Variants in ZFYVE9 observed in about 807,000 individuals in gnomAD.
ZFYVE9 encodes zinc finger FYVE domain-containing protein 9.
Under a neutral mutation model 126.7 loss-of-function variants are expected in ZFYVE9, and 43 were observed. The ratio of observed to expected loss-of-function variants is 0.34; its 90% confidence interval spans 0.27 to 0.44. ZFYVE9 has a LOEUF of 0.44. Among genes scored for constraint, ZFYVE9 ranks in the 20% least tolerant of loss-of-function variants. The pLI is 1.00. For missense variants in ZFYVE9, 1,476 were observed against 1,697.0 expected (o/e 0.87, Z 2.29); for synonymous variants, 521 against 597.4 (o/e 0.87, Z 1.87).
chr1:52,161,957 G>A (rs766225387), intron 1 of ZFYVE9, among the ~76,000 whole-genome samples: 2 of 151,118 alleles, frequency 1.3e-5, no homozygotes, highest in South Asian at 2.1e-4. Flanking sequence ...AAAAGTTTAC[G>A]GAGTATAACA....
At chr1:52,247,757 A>G (rs1341994424) in intron 4 of ZFYVE9, among the ~76,000 whole-genome samples, 2 of 152,066 alleles carry the variant, frequency 1.3e-5, no homozygotes, top group Non-Finnish European at 2.9e-5. Context: ...TTGGCCTCCT[A>G]AAGTGCTGGG....
intron 1 of ZFYVE9, among the ~76,000 whole-genome samples, chr1:52,199,151 C>T (rs142053738): frequency 4.3e-4 from 65 of 151,802 alleles, no homozygotes; most frequent in Non-Finnish European, 8.1e-4. Flanking sequence ...CTGCAAGCTC[C>T]GCCTCCCGGG....
intron 4 of ZFYVE9, among the ~76,000 whole-genome samples, chr1:52,241,378 A>G (rs1352220111): frequency 6.6e-6 from 1 of 152,070 alleles, no homozygotes; most frequent in Non-Finnish European, 1.5e-5. Context: ...ATTCCTAAAT[A>G]TTTTCCAGTC....
intron 7 of ZFYVE9, among the ~76,000 whole-genome samples, chr1:52,273,848 A>G (rs546879283): frequency 5.5e-4 from 84 of 151,842 alleles, no homozygotes; most frequent in African/African-American, 1.7e-3. Context: ...ATGAACTTCA[A>G]GATTTATTTT....
At chr1:52,254,166 A>G in intron 4 of ZFYVE9, 1 of 658,824 alleles carries the variant, frequency 1.5e-6, no homozygotes, top group South Asian at 1.9e-5. Context: ...TTCATGATGT[A>G]TTGTTCAATA....
intron 9 of ZFYVE9, among the ~76,000 whole-genome samples, chr1:52,281,369 A>G (rs1025382371): frequency 3.9e-5 from 6 of 151,976 alleles, no homozygotes; most frequent in Admixed American, 1.3e-4. Context: ...TCCTGACCTC[A>G]TGATCCACCC....
chr1:52,183,191 A>G (rs1644730900), intron 1 of ZFYVE9, among the ~76,000 whole-genome samples: 1 of 152,230 alleles, frequency 6.6e-6, no homozygotes, highest in Non-Finnish European at 1.5e-5. Context: ...ATGTTTACAG[A>G]CCGTAAAAGG....
chr1:52,305,299 G>A (rs112613421), intron 13 of ZFYVE9, among the ~76,000 whole-genome samples: 5,227 of 152,058 alleles, frequency 0.034, 331 homozygotes, highest in African/African-American at 0.12. Flanking sequence ...ACATTGGCTG[G>A]GTGCCTGTAA....
At chr1:52,322,503 G>A (rs1305796571) in intron 13 of ZFYVE9, among the ~76,000 whole-genome samples, 4 of 149,510 alleles carry the variant, frequency 2.7e-5, no homozygotes, top group Admixed American at 6.8e-5. Context: ...TCAGCCTCCC[G>A]AGTAGCTGGG....
chr1:52,195,535 G>A (rs1473223077), intron 1 of ZFYVE9, among the ~76,000 whole-genome samples: 1 of 152,158 alleles, frequency 6.6e-6, no homozygotes, highest in African/African-American at 2.4e-5. Context: ...ACATCTTGGA[G>A]GGCCTAATTA....
At chr1:52,183,239 T>C (rs184314403) in intron 1 of ZFYVE9, among the ~76,000 whole-genome samples, 4 of 152,110 alleles carry the variant, frequency 2.6e-5, no homozygotes, top group Admixed American at 2.6e-4. Context: ...GCACTTAGAG[T>C]ATGTTGTAAA....
At chr1:52,308,651 C>A (rs1646108746) in intron 13 of ZFYVE9, among the ~76,000 whole-genome samples, 1 of 152,198 alleles carries the variant, frequency 6.6e-6, no homozygotes, top group Non-Finnish European at 1.5e-5. Context: ...CTACTCTTCA[C>A]CTGCCTAACC....
intron 1 of ZFYVE9, among the ~76,000 whole-genome samples, chr1:52,159,519 A>T (rs1186847179): frequency 6.6e-6 from 1 of 152,176 alleles, no homozygotes; most frequent in Non-Finnish European, 1.5e-5. Flanking sequence ...TTGAACAAAA[A>T]TTGTTCATTA....
At chr1:52,162,359 T>C in intron 1 of ZFYVE9, 1 of 374,418 alleles carries the variant, frequency 2.7e-6, no homozygotes, top group Non-Finnish European at 5.4e-6. Context: ...ACTGCCGCCT[T>C]TGCCACCACC....
intron 2 of ZFYVE9, among the ~76,000 whole-genome samples, chr1:52,224,366 G>T (rs1375489553): frequency 6.6e-6 from 1 of 152,136 alleles, no homozygotes. Flanking sequence ...GTAGGCAGGG[G>T]AAGGTGGTCT....
intron 12 of ZFYVE9, among the ~76,000 whole-genome samples, chr1:52,299,040 C>T (rs1040505710): frequency 4.6e-5 from 7 of 151,990 alleles, no homozygotes; most frequent in Non-Finnish European, 1.0e-4. Flanking sequence ...GATCTCCTGA[C>T]CTCATGATCC....
At chr1:52,196,941 G>C (rs1408274772) in intron 1 of ZFYVE9, among the ~76,000 whole-genome samples, 1 of 152,102 alleles carries the variant, frequency 6.6e-6, no homozygotes, top group Non-Finnish European at 1.5e-5. Flanking sequence ...TCTTAGTAAG[G>C]AGTCTTGATA....
chr1:52,345,487 C>A (rs541024360), intron 18 of ZFYVE9, among the ~76,000 whole-genome samples: 1 of 152,340 alleles, frequency 6.6e-6, no homozygotes, highest in South Asian at 2.1e-4. Context: ...CATCAATCAA[C>A]AAATATTTAT....
chr1:52,288,925 CAAAAAAAAAAAAA>C (rs775138803), intron 10 of ZFYVE9, among the ~76,000 whole-genome samples: 4 of 62,038 alleles, frequency 6.4e-5, no homozygotes, highest in East Asian at 4.5e-4. Context: ...GACTCTGTCT[CAAAAAAAAAAAAA>C]AAAAAAAAGA....
Sources: gnomAD v4.1 joint callset for allele counts (sites outside exome capture counted in the v4.1 genomes callset) on GRCh38, gnomAD v4.1.1 for gene constraint, MANE v1.5 for transcripts, NCBI Gene and HGNC (gene_info 2026-07-23, HGNC 2026-07-21) for gene names.